Variants in SAMD4A observed in about 807,000 individuals in gnomAD.
SAMD4A encodes the protein protein Smaug homolog 1.
In SAMD4A, 33 loss-of-function variants were observed where a neutral mutation model predicts 81.3. The ratio of observed to expected loss-of-function variants is 0.41; its 90% CI spans 0.31 to 0.54. The LOEUF is 0.54. Among genes scored for constraint, SAMD4A ranks in the 20% least tolerant of loss-of-function variants. The probability of loss-of-function intolerance (pLI) is 0.37; values close to 1 mark genes in which losing one functional copy is unlikely to be tolerated. For missense variants in SAMD4A, 854 were observed against 951.1 expected (o/e 0.90, Z 1.34); for synonymous variants, 389 against 382.1 (o/e 1.02, Z -0.21).
intron 2 of SAMD4A, among the ~76,000 whole-genome samples, chr14:54,697,330 G>A (rs1453537988): frequency 1.3e-5 from 2 of 152,204 alleles, no homozygotes; most frequent in African/African-American, 2.4e-5. Flanking sequence ...CGTACTCCAA[G>A]TCCATATAAT....
intron 2 of SAMD4A, among the ~76,000 whole-genome samples, chr14:54,604,160 C>T (rs1316369039): frequency 1.3e-5 from 2 of 152,128 alleles, no homozygotes; most frequent in Admixed American, 6.6e-5. Flanking sequence ...CTTAGCTCAC[C>T]CTTGCTGAGC....
intron 3 of SAMD4A, among the ~76,000 whole-genome samples, chr14:54,723,720 A>T (rs1594859569): frequency 2.0e-5 from 3 of 149,638 alleles, no homozygotes; most frequent in Non-Finnish European, 4.5e-5. Flanking sequence ...ATGATAGAAA[A>T]TACTGTTTGC....
chr14:54,768,305 T>C (rs2038606986), intron 8 of SAMD4A, among the ~76,000 whole-genome samples: 1 of 152,226 alleles, frequency 6.6e-6, no homozygotes, highest in African/African-American at 2.4e-5. Flanking sequence ...GTGGCATCTA[T>C]TTGAACCGTT....
chr14:54,762,097 C>T (rs1439207210), intron 7 of SAMD4A, among the ~76,000 whole-genome samples: 4 of 152,172 alleles, frequency 2.6e-5, no homozygotes, highest in South Asian at 2.1e-4. Flanking sequence ...GCACGCCTGT[C>T]GGGGAGGGTA....
intron 3 of SAMD4A, among the ~76,000 whole-genome samples, chr14:54,709,216 G>C (rs1461145208): frequency 6.6e-6 from 1 of 151,978 alleles, no homozygotes; most frequent in Non-Finnish European, 1.5e-5. Flanking sequence ...GGTAGAGGTT[G>C]CAGTGACCCG....
intron 9 of SAMD4A, among the ~76,000 whole-genome samples, chr14:54,774,658 A>AAAAAAAAAAAC (rs60736832): frequency 4.6e-5 from 7 of 151,346 alleles, no homozygotes; most frequent in African/African-American, 1.2e-4. Context: ...CTACCAAAAA[A>AAAAAAAAAAAC]AAAAAGTTAG....
At chr14:54,688,687 C>T (rs753541295) in intron 2 of SAMD4A, among the ~76,000 whole-genome samples, 1 of 152,184 alleles carries the variant, frequency 6.6e-6, no homozygotes, top group Non-Finnish European at 1.5e-5. Flanking sequence ...AATCCAACAA[C>T]TTCCTCTAAA....
At chr14:54,682,175 A>T (rs1219954485) in intron 2 of SAMD4A, 1 of 471,802 alleles carries the variant, frequency 2.1e-6, no homozygotes, top group African/African-American at 2.1e-5. Context: ...TGTGCACAGA[A>T]GAATCTTGAG....
At chr14:54,695,714 G>A (rs1437298487) in intron 2 of SAMD4A, among the ~76,000 whole-genome samples, 1 of 151,616 alleles carries the variant, frequency 6.6e-6, no homozygotes, top group South Asian at 2.1e-4. Context: ...CAGCACTTTG[G>A]GAGGCCAAGG....
intron 11 of SAMD4A, among the ~76,000 whole-genome samples, chr14:54,781,506 G>A (rs904359736): frequency 6.6e-5 from 10 of 152,214 alleles, no homozygotes; most frequent in African/African-American, 9.7e-5. Context: ...CAAAACTAGC[G>A]ATCCTTACTG....
chr14:54,637,092 T>C (rs1311017113), intron 2 of SAMD4A, among the ~76,000 whole-genome samples: 1 of 151,832 alleles, frequency 6.6e-6, no homozygotes, highest in Non-Finnish European at 1.5e-5. Flanking sequence ...AGGCCAGGCC[T>C]GGTAGCTCAC....
rs78348526 is a variant in SAMD4A at position 54,754,111 on chromosome 14, C to A, written c.1176+2574C>A. On this transcript the variant is annotated intron_variant, in intron 6 of 12. Coordinates refer to ENST00000554335, the MANE Select transcript of SAMD4A (RefSeq NM_015589.6). ...CGCACCCACCTGGGAGACAAATTACCGTTAGCTTTATTCCCTGCAGCCTGG... is the reference window on the plus strand; with the variant it reads ...CGCACCCACCTGGGAGACAAATTACAGTTAGCTTTATTCCCTGCAGCCTGG... Among the ~76,000 whole-genome samples, 771 of 152,294 alleles carry A rather than the reference C, an allele frequency of 5.1e-3. 17 individuals are homozygous for A. The highest frequency in any genetic ancestry group is 0.04 in the Admixed American group (616 of 15,292).
At chr14:54,758,830 CAA>C (rs930209772) in intron 6 of SAMD4A, among the ~76,000 whole-genome samples, 1 of 141,566 alleles carries the variant, frequency 7.1e-6, no homozygotes. Context: ...ACTCTGTCTC[CAA>C]AAAAAAAAAA....
chr14:54,696,616 A>G (rs890028174), intron 2 of SAMD4A, among the ~76,000 whole-genome samples: 1 of 152,278 alleles, frequency 6.6e-6, no homozygotes, highest in Non-Finnish European at 1.5e-5. Context: ...GCCCTTAAGC[A>G]TTGACATACC....
chr14:54,594,555 A>T (rs1377662024), intron 2 of SAMD4A, among the ~76,000 whole-genome samples: 2 of 152,250 alleles, frequency 1.3e-5, no homozygotes, highest in African/African-American at 4.8e-5. Context: ...AGCAGGACAG[A>T]ACTTGTTGGA....
At chr14:54,671,882 C>T (rs1226084452) in intron 2 of SAMD4A, among the ~76,000 whole-genome samples, 1 of 149,846 alleles carries the variant, frequency 6.7e-6, no homozygotes, top group Non-Finnish European at 1.5e-5. Flanking sequence ...AACTTTGGGG[C>T]AAGAGAAGGG....
In SAMD4A at chr14:54,611,424, C is replaced by T. The variant is rs2034352274; in HGVS notation, c.196+43312C>T. ...TCCAGATCCCAGCAAACCACTTAAT[C>T]AGCCTTTACATAAAAATCGTAGCCT... On this transcript the variant is annotated intron_variant, in intron 2 of 12. Transcript: ENST00000554335. Among the ~76,000 whole-genome samples the T allele has an allele frequency of 2.6e-5, 4 of 152,296 alleles. No homozygotes were observed. In the South Asian group the frequency reaches 8.3e-4, roughly 32 times the overall value.
At chr14:54,700,102 A>G (rs528619548) in intron 2 of SAMD4A, among the ~76,000 whole-genome samples, 1 of 152,218 alleles carries the variant, frequency 6.6e-6, no homozygotes, top group East Asian at 1.9e-4. Context: ...TTTGTTTTTT[A>G]AAACTTGGCA....
At chr14:54,762,413 C>T (rs1288640105) in intron 7 of SAMD4A, among the ~76,000 whole-genome samples, 1 of 152,140 alleles carries the variant, frequency 6.6e-6, no homozygotes, top group Non-Finnish European at 1.5e-5. Context: ...TAAGGCATGT[C>T]CTAAAAAAAG....
Sources: allele counts gnomAD v4.1 joint callset (sites outside exome capture counted in the v4.1 genomes callset), GRCh38; gene constraint gnomAD v4.1.1; transcripts MANE v1.5; gene names NCBI Gene and HGNC (gene_info 2026-07-23, HGNC 2026-07-21).